ASB3: variants seen among roughly 807,000 people sequenced by gnomAD.
ASB3 encodes ankyrin repeat and SOCS box protein 3.
In ASB3, 41 loss-of-function variants were observed where a neutral mutation model predicts 54.5. The observed-to-expected ratio is 0.75, with a 90% CI of 0.59 to 0.98. The LOEUF is 0.98. ASB3 is among the 50% of genes least tolerant of loss of function. The pLI is 0.00. For missense variants in ASB3, 733 were observed against 620.0 expected (o/e 1.18, Z -1.94); for synonymous variants, 266 against 221.2 (o/e 1.20, Z -1.80).
intron 5 of ASB3, among the ~76,000 whole-genome samples, chr2:53,721,976 T>A (rs1483547604): frequency 6.6e-6 from 1 of 151,782 alleles, no homozygotes; most frequent in Non-Finnish European, 1.5e-5. Flanking sequence ...AAGGTCCAAA[T>A]AAGCACAATC....
chr2:53,766,340 T>A (rs1673452051), intron 1 of ASB3, among the ~76,000 whole-genome samples: 1 of 152,238 alleles, frequency 6.6e-6, no homozygotes, highest in Admixed American at 6.5e-5. Context: ...AGCTCTCATG[T>A]GACTCTCTCG....
chr2:53,747,100 A>C (rs1448245657), intron 3 of ASB3, among the ~76,000 whole-genome samples: 1 of 152,196 alleles, frequency 6.6e-6, no homozygotes, highest in Admixed American at 6.5e-5. Flanking sequence ...CCAAATACTA[A>C]TAAAAGTAGG....
chr2:53,774,248 T>G (rs1217789781), intron 1 of ASB3: 2 of 1,614,150 alleles, frequency 1.2e-6, no homozygotes, highest in Non-Finnish European at 1.7e-6. Context: ...ACAACAGTCA[T>G]TTTTTATCCA....
chr2:53,709,074 G>T (rs1015799414), intron 7 of ASB3, among the ~76,000 whole-genome samples: 1 of 152,194 alleles, frequency 6.6e-6, no homozygotes, highest in African/African-American at 2.4e-5. Flanking sequence ...AAACCACCAG[G>T]GGGTGGTGGA....
At chr2:53,765,692 C>T (rs897386570) in intron 1 of ASB3, 107 bp from the exon 2 acceptor site, 9 of 1,289,450 alleles carry the variant, frequency 7.0e-6, no homozygotes, top group African/African-American at 4.5e-5. Flanking sequence ...ACATGACTGA[C>T]GAAGAAGGGC....
At chr2:53,772,077 G>GTGGGT in intron 1 of ASB3, 1 of 579,136 alleles carries the variant, frequency 1.7e-6, no homozygotes. Context: ...GTATTTGTGG[G>GTGGGT]TTTTTTTTGT....
At chr2:53,704,908 TACA>T (rs1669686776) in intron 7 of ASB3, among the ~76,000 whole-genome samples, 1 of 152,228 alleles carries the variant, frequency 6.6e-6, no homozygotes, top group Non-Finnish European at 1.5e-5. Context: ...CAGGTTTTTC[TACA>T]ACTATATAAC....
intron 3 of ASB3, among the ~76,000 whole-genome samples, chr2:53,750,070 T>A (rs575408671): frequency 3.9e-5 from 6 of 152,048 alleles, no homozygotes; most frequent in Non-Finnish European, 5.9e-5. Context: ...CTGAAACATA[T>A]AGTAAATAAA....
At chr2:53,729,364 G>C in intron 4 of ASB3, 94 bp downstream of exon 4, 3 of 1,234,688 alleles carry the variant, frequency 2.4e-6, no homozygotes, top group Non-Finnish European at 3.5e-6. Flanking sequence ...ATAAATCACA[G>C]GCAAGCAGAA....
intron 3 of ASB3, among the ~76,000 whole-genome samples, chr2:53,749,048 G>A (rs111826980): frequency 1.3e-5 from 2 of 151,878 alleles, no homozygotes; most frequent in African/African-American, 2.4e-5. Context: ...TGACAAACCT[G>A]GCAAAAGAAG....
chr2:53,699,760 C>T (rs891502780), intron 8 of ASB3, among the ~76,000 whole-genome samples: 3 of 152,112 alleles, frequency 2.0e-5, no homozygotes, highest in Admixed American at 6.5e-5. Context: ...AATTCTGACT[C>T]GGCGTTTGTA....
chr2:53,691,641 G>A (rs536138000), intron 9 of ASB3, among the ~76,000 whole-genome samples: 24 of 152,022 alleles, frequency 1.6e-4, no homozygotes, highest in African/African-American at 5.1e-4. Context: ...TCAAAATCCC[G>A]GTAAAGGAGG....
Position 53,700,450 on chromosome 2 carries a change from C to G in ASB3, c.1059G>C (p.Leu353=), listed in dbSNP as rs964931876. The change falls in exon 8 of 10, where the codon CTG becomes CTC. Residue 353 remains leucine (L), a synonymous_variant. Transcript: ENST00000263634. ...QINELHLAYC[L]KYEKFSIFRY... ...GAAATATCGAAAACTTCTCGTACTT[C>G]AGGCAGTATGCCAAATGAAGTTCAT... 3.7e-6 allele frequency: 6 copies of G among 1,614,002 alleles called. No individual in the cohort carries two copies. Among genetic ancestry groups the G allele is most frequent in the Non-Finnish European group, 5.1e-6 (6 of 1,180,006 alleles).
chr2:53,732,356 T>A (rs150584412), intron 3 of ASB3, among the ~76,000 whole-genome samples: 2 of 152,046 alleles, frequency 1.3e-5, no homozygotes, highest in Admixed American at 1.3e-4. Flanking sequence ...CTGAAAATAA[T>A]AGTAATAATT....
chr2:53,752,817 C>G (rs1672592566), intron 2 of ASB3, among the ~76,000 whole-genome samples: 2 of 151,902 alleles, frequency 1.3e-5, no homozygotes, highest in Non-Finnish European at 2.9e-5. Context: ...AGGAAGGTAC[C>G]CATCAGGGAA....
At chr2:53,733,589 G>A (rs1181292101) in intron 3 of ASB3, among the ~76,000 whole-genome samples, 1 of 152,056 alleles carries the variant, frequency 6.6e-6, no homozygotes, top group African/African-American at 2.4e-5. Context: ...CTACCAGCAT[G>A]TGACACCACA....
intron 5 of ASB3, among the ~76,000 whole-genome samples, chr2:53,723,573 G>GA (rs955224159): frequency 2.0e-5 from 3 of 151,636 alleles, no homozygotes; most frequent in Admixed American, 6.6e-5. Flanking sequence ...TACAGAATTA[G>GA]AAAAAAAATT....
intron 9 of ASB3, among the ~76,000 whole-genome samples, chr2:53,693,594 T>C (rs765225943): frequency 6.6e-6 from 1 of 152,138 alleles, no homozygotes; most frequent in Non-Finnish European, 1.5e-5. Context: ...CCTACTTTTG[T>C]GTATATAATC....
intron 8 of ASB3, among the ~76,000 whole-genome samples, chr2:53,698,511 AG>A (rs769193945): frequency 1.3e-5 from 2 of 152,152 alleles, no homozygotes; most frequent in Non-Finnish European, 2.9e-5. Flanking sequence ...GGCCACAAGT[AG>A]CCATGCAGCA....
Sources: allele counts gnomAD v4.1 joint callset (sites outside exome capture counted in the v4.1 genomes callset), GRCh38; gene constraint gnomAD v4.1.1; transcripts MANE v1.5; gene names NCBI Gene and HGNC (gene_info 2026-07-23, HGNC 2026-07-21).